Variants in TIAM1 observed in about 807,000 individuals in gnomAD.
TIAM1 encodes TIAM Rac1 associated GEF 1.
TIAM1 carries 65 observed loss-of-function variants against 163.5 expected under a neutral mutation model. The ratio of observed to expected loss-of-function variants is 0.40; its 90% CI spans 0.33 to 0.49. The LOEUF (loss-of-function observed/expected upper bound fraction) is 0.49, where lower values mean the gene tolerates loss of function less well. Among genes scored for constraint, TIAM1 ranks in the 20% least tolerant of loss-of-function variants. TIAM1 has a pLI of 0.77. For missense variants in TIAM1, 1,789 were observed against 2,044.7 expected, an observed-to-expected ratio of 0.87 and a Z score of 2.41; for synonymous variants, 833 against 810.1, an observed-to-expected ratio of 1.03 and a Z score of -0.48.
intron 2 of TIAM1, among the ~76,000 whole-genome samples, chr21:31,446,689 C>G (rs1450400951): frequency 6.6e-6 from 1 of 152,122 alleles, no homozygotes; most frequent in Non-Finnish European, 1.5e-5. Context: ...GGAAATAGAA[C>G]AAGAAAGACC....
intron 6 of TIAM1, among the ~76,000 whole-genome samples, chr21:31,229,407 C>T (rs949337421): frequency 3.3e-5 from 5 of 152,102 alleles, no homozygotes; most frequent in African/African-American, 1.2e-4. Flanking sequence ...TATAATTTTT[C>T]TATAACTATG....
intron 2 of TIAM1, among the ~76,000 whole-genome samples, chr21:31,296,932 G>A (rs913061201): frequency 3.3e-5 from 5 of 152,092 alleles, no homozygotes; most frequent in Admixed American, 2.0e-4. Context: ...CAAAATGCTG[G>A]GATTACGGGC....
intron 15 of TIAM1, among the ~76,000 whole-genome samples, chr21:31,175,407 C>T (rs921965978): frequency 2.0e-5 from 3 of 152,156 alleles, no homozygotes; most frequent in African/African-American, 7.2e-5. Flanking sequence ...GAGAAACAGG[C>T]GTTTGAAACT....
At chr21:31,183,946 T>G (rs2085158317) in intron 14 of TIAM1, among the ~76,000 whole-genome samples, 1 of 148,348 alleles carries the variant, frequency 6.7e-6, no homozygotes, top group Non-Finnish European at 1.5e-5. Flanking sequence ...TTTTTAAAAT[T>G]TTTATTTATT....
intron 2 of TIAM1, among the ~76,000 whole-genome samples, chr21:31,420,522 C>T (rs1174593283): frequency 2.6e-5 from 4 of 152,264 alleles, no homozygotes; most frequent in Non-Finnish European, 4.4e-5. Context: ...AATAAAGCCT[C>T]GAAGCAAAGC....
Position 31,245,560 on chromosome 21 carries a change from C to A in TIAM1, c.1512G>T (p.Ala504=). ...AVWVENSIVQ[A]VPEHPKKDFV... ...AGTCCTTCTTGGGGTGCTCAGGCAC[C>A]GCCTGCACAATGCTGTTCTCCACCC... The change falls in exon 6 of 28, where the codon GCG becomes GCT. Residue 504 remains alanine (A), a synonymous_variant. Transcript: ENST00000541036. 1 of 1,605,506 alleles carries A rather than the reference C, an allele frequency of 6.2e-7. No individual in the cohort carries two copies. Among genetic ancestry groups the A allele is most frequent in the South Asian group, 1.1e-5 (1 of 89,450 alleles).
chr21:31,313,678 G>A (rs936860125), intron 2 of TIAM1, among the ~76,000 whole-genome samples: 8 of 152,066 alleles, frequency 5.3e-5, no homozygotes, highest in African/African-American at 1.9e-4. Context: ...AGGTTCAACC[G>A]ATTCTCCTGC....
chr21:31,277,700 T>C (rs2073361947), intron 2 of TIAM1, among the ~76,000 whole-genome samples: 1 of 152,206 alleles, frequency 6.6e-6, no homozygotes, highest in South Asian at 2.1e-4. Flanking sequence ...CCCTCGGGGC[T>C]GCTCTGTCTA....
chr21:31,393,191 A>G (rs1266315738), intron 2 of TIAM1, among the ~76,000 whole-genome samples: 1 of 152,230 alleles, frequency 6.6e-6, no homozygotes, highest in East Asian at 1.9e-4. Flanking sequence ...CCTGACCTCA[A>G]GTGATCCGCC....
intron 1 of TIAM1, among the ~76,000 whole-genome samples, chr21:31,541,820 T>C (rs763283774): frequency 2.0e-5 from 3 of 152,254 alleles, no homozygotes; most frequent in Non-Finnish European, 4.4e-5. Flanking sequence ...TTATTGTTCT[T>C]ACAAAAATCA....
intron 2 of TIAM1, among the ~76,000 whole-genome samples, chr21:31,373,490 C>G (rs2076633961): frequency 2.0e-5 from 3 of 152,082 alleles, no homozygotes. Context: ...AAGCAGAAAC[C>G]CCTGATAAAC....
intron 1 of TIAM1, among the ~76,000 whole-genome samples, chr21:31,511,625 A>G (rs939261345): frequency 2.0e-5 from 3 of 152,208 alleles, no homozygotes; most frequent in Non-Finnish European, 4.4e-5. Context: ...AAGTCCTGAC[A>G]AAGAGTTATG....
intron 2 of TIAM1, among the ~76,000 whole-genome samples, chr21:31,386,893 T>C (rs2076881270): frequency 6.6e-6 from 1 of 152,220 alleles, no homozygotes. Context: ...CTTATTTGCC[T>C]GCGGAAGGTC....
intron 1 of TIAM1, among the ~76,000 whole-genome samples, chr21:31,485,312 T>A (rs1004790339): frequency 2.0e-5 from 3 of 152,088 alleles, no homozygotes; most frequent in Non-Finnish European, 4.4e-5. Flanking sequence ...ACATGGGCTA[T>A]TCTCATCCTC....
At chr21:31,341,510 G>T (rs2076014200) in intron 1 of TIAM1, among the ~76,000 whole-genome samples, 1 of 152,160 alleles carries the variant, frequency 6.6e-6, no homozygotes, top group South Asian at 2.1e-4. Flanking sequence ...AATCTGTATT[G>T]TCAAGTGGGT....
chr21:31,329,596 G>C (rs890206331), intron 2 of TIAM1, among the ~76,000 whole-genome samples: 1 of 152,194 alleles, frequency 6.6e-6, no homozygotes, highest in African/African-American at 2.4e-5. Flanking sequence ...TGCATCCTTA[G>C]TGTCCACAGC....
At chr21:31,209,721 G>C (rs149384135) in intron 11 of TIAM1, among the ~76,000 whole-genome samples, 4 of 152,194 alleles carry the variant, frequency 2.6e-5, no homozygotes, top group Non-Finnish European at 5.9e-5. Context: ...GTGAATAAGA[G>C]TGGCCTTAAT....
intron 10 of TIAM1, among the ~76,000 whole-genome samples, chr21:31,210,683 GAAAAAGAA>G (rs1569033247): frequency 3.0e-4 from 19 of 63,394 alleles, no homozygotes; most frequent in African/African-American, 1.4e-3. Context: ...AAGAAAGAAA[GAAAAAGAA>G]AGAAAGAAAG....
rs116247351 is a variant in TIAM1 at position 31,329,515 on chromosome 21, C to T, written c.-189+9728G>A. ...TCAAATACGACCAAATCCCTGCTGT[C>T]CGTAACCACCCTTGATGCAGGAAAG... On this transcript the variant is annotated intron_variant, in intron 2 of 27. Coordinates refer to ENST00000541036, the MANE Select transcript of TIAM1 (RefSeq NM_001353694.2). Among the ~76,000 whole-genome samples, 1,312 of 151,708 alleles carry T rather than the reference C, an allele frequency of 8.6e-3. 16 individuals carry two copies. The highest frequency in any genetic ancestry group is 0.031 in the African/African-American group (1,269 of 41,214).
Sources: allele counts gnomAD v4.1 joint callset (sites outside exome capture counted in the v4.1 genomes callset), GRCh38; gene constraint gnomAD v4.1.1; transcripts MANE v1.5; gene names NCBI Gene and HGNC (gene_info 2026-07-23, HGNC 2026-07-21).